VTI1B: variants seen among roughly 807,000 people sequenced by gnomAD.
The protein encoded by VTI1B is vesicle transport through interaction with t-SNAREs 1B, also known as vesicle transport through interaction with t-SNAREs homolog 1B.
In VTI1B, 18 loss-of-function variants were observed where a neutral mutation model predicts 28.6. That is an observed-to-expected ratio of 0.63 (90% CI 0.43 to 0.93). The LOEUF (loss-of-function observed/expected upper bound fraction) is 0.93, where lower values mean the gene tolerates loss of function less well. Ranked by LOEUF, VTI1B falls within the 40% of genes least tolerant of loss-of-function variation. VTI1B has a pLI of 0.00. For missense variants in VTI1B, 283 were observed against 297.0 expected (o/e 0.95, Z 0.35); for synonymous variants, 100 against 107.9 (o/e 0.93, Z 0.46).
chr14:67,673,860 A>G (rs2037499542), intron 1 of VTI1B, among the ~76,000 whole-genome samples: 1 of 152,158 alleles, frequency 6.6e-6, no homozygotes, highest in Admixed American at 6.5e-5. Flanking sequence ...AAAACGTTCA[A>G]AACAAGACCA....
At chr14:67,653,011 G>A (rs548906085) in intron 5 of VTI1B, among the ~76,000 whole-genome samples, 12 of 152,258 alleles carry the variant, frequency 7.9e-5, no homozygotes, top group African/African-American at 2.6e-4. Context: ...GACTGGTCTT[G>A]AACTCCTGAC....
chr14:67,671,163 T>C (rs2037460345), intron 1 of VTI1B, among the ~76,000 whole-genome samples: 1 of 152,222 alleles, frequency 6.6e-6, no homozygotes, highest in South Asian at 2.1e-4. Context: ...GGACTTATTA[T>C]AATTCTAGGG....
At chr14:67,670,423 G>GCAAACTCC (rs372062508) in intron 1 of VTI1B, among the ~76,000 whole-genome samples, 15 of 151,944 alleles carry the variant, frequency 9.9e-5, no homozygotes, top group African/African-American at 3.6e-4. Flanking sequence ...TTCCCATCTA[G>GCAAACTCC]CAAACTCCCA....
chr14:67,674,527 G>C lies in VTI1B; in HGVS notation c.-38C>G. 1 of 1,548,564 alleles carries C rather than the reference G, an allele frequency of 6.5e-7. No homozygotes were observed. The highest frequency in any genetic ancestry group is 8.7e-7 in the Non-Finnish European group (1 of 1,147,254). ...GCTGGAGCAGCGGCCACCGAGATTC[G>C]GGGCCCTGGGCCCTTTCCTAGCCCG... On this transcript the variant is annotated 5_prime_UTR_variant, in exon 1 of 6. Coordinates refer to ENST00000554659, the MANE Select transcript of VTI1B (RefSeq NM_006370.3).
At chr14:67,652,024 C>T (rs536505374) in intron 5 of VTI1B, among the ~76,000 whole-genome samples, 2 of 152,306 alleles carry the variant, frequency 1.3e-5, no homozygotes, top group South Asian at 4.2e-4. Flanking sequence ...CTAGGTTTCT[C>T]CCTAGTCCAC....
At chr14:67,665,796 C>T (rs1474313629) in intron 1 of VTI1B, among the ~76,000 whole-genome samples, 1 of 152,110 alleles carries the variant, frequency 6.6e-6, no homozygotes, top group Admixed American at 6.5e-5. Context: ...CCTTAATATA[C>T]ACAAGATACT....
rs201364770 is a variant in VTI1B at position 67,659,919 on chromosome 14, C to A, written c.178G>T (p.Ala60Ser). ...EKQQEANETL[A>S]EMEEELRYAP... Reference sequence around the variant, plus strand: ...TAACGTAGCTCCTCCTCCATCTCTGCCAGCTGGGAAGGCAGAAAGTAGTGA... The same window carrying A: ...TAACGTAGCTCCTCCTCCATCTCTGACAGCTGGGAAGGCAGAAAGTAGTGA... Residue 60 changes from alanine to serine, a missense_variant, in exon 3 of 6, where the codon GCA becomes TCA. Physicochemically the swap from Ala to Ser is moderately conservative, Grantham distance 99. Coordinates refer to ENST00000554659, the MANE Select transcript of VTI1B (RefSeq NM_006370.3). 8.4e-5 allele frequency: 135 copies of A among 1,612,014 alleles called. No homozygotes were observed. Among genetic ancestry groups the A allele is most frequent in the Non-Finnish European group, 1.1e-4 (131 of 1,178,880 alleles).
chr14:67,668,149 C>T (rs1202734466), intron 1 of VTI1B, among the ~76,000 whole-genome samples: 1 of 152,066 alleles, frequency 6.6e-6, no homozygotes, highest in African/African-American at 2.4e-5. Context: ...TTTTATGATA[C>T]ACGTTAAGAC....
rs189983478 is a variant in VTI1B at position 67,648,340 on chromosome 14, A to G, written c.*3045T>C. 3.1e-4 allele frequency: 240 copies of G among 773,008 alleles called. 1 individual carries two copies. The highest frequency in any genetic ancestry group is 3.0e-3 in the Middle Eastern group (8 of 2,632). 47.9% of individuals were successfully genotyped at this position (773,008 alleles called of 1,614,324 possible). On this transcript the variant is annotated 3_prime_UTR_variant, in exon 6 of 6. Transcript: ENST00000554659. ...AAATTATATGGCCATGCTAATAAAA[A>G]GGATATAGTCCTTTAGAGTCATGCT...
At position 67,656,026 on chromosome 14, in the gene VTI1B, A is replaced by G. The variant is rs549854259; in HGVS notation, c.540+390T>C. 2.0e-5 allele frequency among the ~76,000 whole-genome samples: 3 copies of G among 152,264 alleles called. No homozygotes were observed. In the South Asian group the frequency reaches 6.2e-4, roughly 32 times the overall value. On this transcript the variant is annotated intron_variant, in intron 4 of 5. Coordinates refer to ENST00000554659, the MANE Select transcript of VTI1B (RefSeq NM_006370.3). Reference sequence around the variant, plus strand: ...TTTGGGAGGCCGGAGCAGGTGGATCACCTGAAGTTAGGAGTTCGAGACCAG... The same window carrying G: ...TTTGGGAGGCCGGAGCAGGTGGATCGCCTGAAGTTAGGAGTTCGAGACCAG...
chr14:67,653,398 C>A (rs1031613000), intron 5 of VTI1B, 39 bp downstream of exon 5: 10 of 1,591,256 alleles, frequency 6.3e-6, no homozygotes, highest in Non-Finnish European at 8.6e-6. Context: ...TTGAAAGCCA[C>A]TGAGTTAAGA....
rs909723375 is a variant in VTI1B at position 67,648,828 on chromosome 14, C to A, written c.*2557G>T. The A allele has an allele frequency of 4.6e-5, 7 of 152,178 alleles. No homozygotes were observed. The highest frequency in any genetic ancestry group is 1.7e-4 in the African/African-American group (7 of 41,446). The allele number at this position is 152,178 out of a possible 1,614,324, so 9.4% of individuals were successfully genotyped here. A position where few individuals can be genotyped will look rare whatever the true frequency, so the allele number is the denominator to read the frequency against. On this transcript the variant is annotated 3_prime_UTR_variant, in exon 6 of 6. Coordinates refer to ENST00000554659, the MANE Select transcript of VTI1B (RefSeq NM_006370.3). ...CTGGTTTTAAAGCTACTTCAAATGA[C>A]CTTTCATTCCAAAATTTAAAGAACT...
intron 4 of VTI1B, among the ~76,000 whole-genome samples, chr14:67,655,679 C>T (rs186572559): frequency 3.2e-4 from 48 of 152,162 alleles, no homozygotes; most frequent in African/African-American, 9.4e-4. Context: ...ATGATGTTTT[C>T]GTAAGAATAG....
At position 67,648,010 on chromosome 14, in the gene VTI1B, ATTATT is replaced by A. The variant is rs1337600323; in HGVS notation, c.*3370_*3374del. On this transcript the variant is annotated 3_prime_UTR_variant, in exon 6 of 6. Transcript: ENST00000554659. ...AGTGTCCAAGGACAACCAGTTAAGT[ATTATT>A]TTAAGTATTATTTTATCCTCTTCCT... is the stretch of plus-strand genomic sequence containing the variant. The A allele has an allele frequency of 1.9e-6, 3 of 1,546,598 alleles. No individual in the cohort carries two copies. The South Asian group carries it at 3.5e-5, about 18-fold the overall frequency.
chr14:67,651,357 T>C lies in VTI1B; in HGVS notation c.*28A>G, dbSNP rs752300059. On this transcript the variant is annotated 3_prime_UTR_variant, in exon 6 of 6. Transcript: ENST00000554659. ...TCATGCATTCACAAGGTCAAAGTTC[T>C]GGTCCACAAACCCTTCCCTATAGAA... 1.2e-5 allele frequency: 19 copies of C among 1,613,158 alleles called. No homozygotes were observed. The highest frequency in any genetic ancestry group is 1.6e-5 in the Non-Finnish European group (19 of 1,179,324).
chr14:67,671,851 ACT>A (rs1386330334), intron 1 of VTI1B, among the ~76,000 whole-genome samples: 2 of 151,920 alleles, frequency 1.3e-5, no homozygotes, highest in Admixed American at 1.3e-4. Context: ...GAACTAACCC[ACT>A]CTCTCAACAA....
chr14:67,668,261 C>T (rs73274584), intron 1 of VTI1B, among the ~76,000 whole-genome samples: 4,281 of 152,222 alleles, frequency 0.028, 220 homozygotes, highest in African/African-American at 0.098. Context: ...CATTATAGTA[C>T]TCTGAGGTAA....
intron 1 of VTI1B, 68 bp from the exon 2 acceptor site, chr14:67,662,603 T>C: frequency 1.4e-6 from 2 of 1,408,192 alleles, no homozygotes; most frequent in Middle Eastern, 1.8e-4. Flanking sequence ...CCATTCCCTC[T>C]GCTTCGAATA....
intron 1 of VTI1B, among the ~76,000 whole-genome samples, chr14:67,668,150 A>C (rs73274582): frequency 0.028 from 4,273 of 152,264 alleles, 218 homozygotes; most frequent in African/African-American, 0.098. Flanking sequence ...TTTATGATAC[A>C]CGTTAAGACA....
Sources: allele counts gnomAD v4.1 joint callset (sites outside exome capture counted in the v4.1 genomes callset), GRCh38; gene constraint gnomAD v4.1.1; transcripts MANE v1.5; gene names NCBI Gene and HGNC (gene_info 2026-07-23, HGNC 2026-07-21).